The following TFAP2B variants were observed in gnomAD, a reference collection of about 807,000 sequenced individuals.
The protein encoded by TFAP2B is transcription factor AP-2-beta.
TFAP2B carries 9 observed loss-of-function variants against 44.3 expected under a neutral mutation model. The observed-to-expected ratio is 0.20, with a 90% CI of 0.12 to 0.35. The LOEUF (loss-of-function observed/expected upper bound fraction) is 0.35. Among genes scored for constraint, TFAP2B ranks in the 10% least tolerant of loss-of-function variants. The pLI, the probability that TFAP2B is intolerant of heterozygous loss-of-function variation, is 1.00. For missense variants in TFAP2B, 509 were observed against 600.0 expected, an observed-to-expected ratio of 0.85 and a Z score of 1.59; for synonymous variants, 270 against 263.8, an observed-to-expected ratio of 1.02 and a Z score of -0.23.
At chr6:50,826,588 T>A (rs72890683) in intron 2 of TFAP2B, among the ~76,000 whole-genome samples, 1 of 149,780 alleles carries the variant, frequency 6.7e-6, no homozygotes, top group Non-Finnish European at 1.5e-5. Flanking sequence ...CGCGCGCGCG[T>A]GTGTGTGTGT....
intron 2 of TFAP2B, among the ~76,000 whole-genome samples, chr6:50,825,467 T>C (rs1025050489): frequency 2.6e-5 from 4 of 152,142 alleles, no homozygotes; most frequent in Admixed American, 2.6e-4. Flanking sequence ...GCCAAGTGAC[T>C]CTAGCGAAGG....
At chr6:50,842,958 CA>C in intron 6 of TFAP2B, 133 bp from the exon 7 acceptor site, 1 of 1,242,016 alleles carries the variant, frequency 8.1e-7, no homozygotes, top group Non-Finnish European at 1.2e-6. Flanking sequence ...GGAAAGGAAA[CA>C]GAGCGGAATC....
At chr6:50,839,060 C>A (rs1446966945) in intron 5 of TFAP2B, among the ~76,000 whole-genome samples, 1 of 152,208 alleles carries the variant, frequency 6.6e-6, no homozygotes, top group African/African-American at 2.4e-5. Flanking sequence ...CCTGAACACC[C>A]TCCAGAGGCA....
At position 50,823,871 on chromosome 6, in the gene TFAP2B, C is replaced by CACAA. The variant is rs368226832; in HGVS notation, c.540+28_540+31dup. 1.3e-3 allele frequency: 1,970 copies of CACAA among 1,538,398 alleles called. 11 individuals are homozygous for CACAA. Among genetic ancestry groups the CACAA allele is most frequent in the African/African-American group, 5.5e-3 (395 of 72,392 alleles). On this transcript the variant is annotated splice_region_variant and intron_variant, in intron 2 of 6. Coordinates refer to ENST00000393655, the MANE Select transcript of TFAP2B (RefSeq NM_003221.4). ...CCGGAATGGAAGACGTCCAGGTAAC[C>CACAA]ACAAACAAACAAACAAACAAACAAA...
chr6:50,822,531 C>T (rs1026496900), intron 1 of TFAP2B, among the ~76,000 whole-genome samples: 14 of 152,140 alleles, frequency 9.2e-5, no homozygotes, highest in African/African-American at 3.4e-4. Context: ...ATATACACAC[C>T]TCCCCCTTCT....
intron 3 of TFAP2B, chr6:50,830,188 TC>T (rs1189551123): frequency 2.0e-6 from 1 of 512,362 alleles, no homozygotes; most frequent in African/African-American, 2.1e-5. Context: ...TCCTCCCTTT[TC>T]ATGGAAAGCT....
Position 50,837,847 on chromosome 6 carries a change from A to G in TFAP2B, c.822-128A>G, listed in dbSNP as rs535182789. On this transcript the variant is annotated intron_variant, in intron 4 of 6. Coordinates refer to ENST00000393655, the MANE Select transcript of TFAP2B (RefSeq NM_003221.4). ...AACTATCAGCAAATAACCAAAAGGAAGGGGGAAAAATGTGCTAACCTCAAG... is the reference window on the plus strand; with the variant it reads ...AACTATCAGCAAATAACCAAAAGGAGGGGGGAAAAATGTGCTAACCTCAAG... 6.3e-4 allele frequency: 506 copies of G among 805,246 alleles called. 1 individual carries two copies. Among genetic ancestry groups the G allele is most frequent in the Non-Finnish European group, 1.0e-3 (455 of 454,940 alleles). 49.9% of individuals were successfully genotyped at this position (805,246 alleles called of 1,614,324 possible).
chr6:50,823,069 C>T (rs560841508), intron 1 of TFAP2B, among the ~76,000 whole-genome samples: 6 of 152,326 alleles, frequency 3.9e-5, no homozygotes, highest in Admixed American at 2.6e-4. Context: ...GAATCTCCCT[C>T]CATACACACT....
At chr6:50,833,315 G>C (rs112022417) in intron 3 of TFAP2B, among the ~76,000 whole-genome samples, 1 of 152,184 alleles carries the variant, frequency 6.6e-6, no homozygotes. Context: ...AAAGTGGAAG[G>C]GAAAGTAGAT....
In TFAP2B at chr6:50,847,524, A is replaced by T. The variant is rs1282218730; in HGVS notation, c.*4132A>T. On this transcript the variant is annotated 3_prime_UTR_variant, in exon 7 of 7. Coordinates refer to ENST00000393655, the MANE Select transcript of TFAP2B (RefSeq NM_003221.4). ...TCCTATCTGAATTTTTCTGTTCTTT[A>T]TAAACAAGCTGTTATGGTAATGGGT... 1 of 152,636 alleles carries T rather than the reference A, an allele frequency of 6.6e-6. No homozygotes were observed. Among genetic ancestry groups the T allele is most frequent in the Non-Finnish European group, 1.5e-5 (1 of 68,030 alleles). 9.5% of individuals were successfully genotyped at this position (152,636 alleles called of 1,614,324 possible).
In TFAP2B at chr6:50,845,826, T is replaced by C. The variant is rs1463491884; in HGVS notation, c.*2434T>C. 6.5e-6 allele frequency: 1 copy of C among 152,728 alleles called. No homozygotes were observed. Among genetic ancestry groups the C allele is most frequent in the Non-Finnish European group, 1.5e-5 (1 of 68,106 alleles). The allele number at this position is 152,728 out of a possible 1,614,324, so 9.5% of individuals were successfully genotyped here. On this transcript the variant is annotated 3_prime_UTR_variant, in exon 7 of 7. Coordinates refer to ENST00000393655, the MANE Select transcript of TFAP2B (RefSeq NM_003221.4). The stretch of plus-strand genomic sequence containing the variant: ...GTGTTGAGGACATAGAATCAGCCGC[T>C]GGAGGGGCTGCCGACTGCGCGGGCC...
chr6:50,823,337 C>T (rs1027025302), intron 1 of TFAP2B, 70 bp from the exon 2 acceptor site: 3 of 1,340,040 alleles, frequency 2.2e-6, no homozygotes, highest in Non-Finnish European at 3.1e-6. Flanking sequence ...CTCTCTGTCT[C>T]TCTCTGCCTC....
chr6:50,840,403 C>A, intron 6 of TFAP2B, 106 bp downstream of exon 6: 1 of 1,432,210 alleles, frequency 7.0e-7, no homozygotes, highest in Non-Finnish European at 9.7e-7. Context: ...AGAGGGTTGT[C>A]TAGAAGTAGC....
intron 3 of TFAP2B, among the ~76,000 whole-genome samples, chr6:50,835,233 C>T (rs1284594723): frequency 1.3e-5 from 2 of 152,228 alleles, no homozygotes; most frequent in East Asian, 1.9e-4. Context: ...AAGACCGCCG[C>T]TCATATGAAT....
At chr6:50,841,015 G>T (rs998723144) in intron 6 of TFAP2B, among the ~76,000 whole-genome samples, 1 of 152,360 alleles carries the variant, frequency 6.6e-6, no homozygotes, top group East Asian at 1.9e-4. Flanking sequence ...GGAGGACGCG[G>T]TTTGTCCCGT....
At chr6:50,830,118 G>A (rs1243036566) in intron 3 of TFAP2B, among the ~76,000 whole-genome samples, 1 of 152,112 alleles carries the variant, frequency 6.6e-6, no homozygotes, top group Non-Finnish European at 1.5e-5. Context: ...ATTGCTGGTT[G>A]ATTAGGGTGG....
At chr6:50,834,106 A>G (rs1218755530) in intron 3 of TFAP2B, among the ~76,000 whole-genome samples, 30 of 152,236 alleles carry the variant, frequency 2.0e-4, no homozygotes, top group Admixed American at 2.0e-3. Context: ...TATGGAAATC[A>G]GCACTGTTGT....
intron 5 of TFAP2B, 61 bp downstream of exon 5, chr6:50,838,154 A>C: frequency 8.4e-7 from 1 of 1,194,082 alleles, no homozygotes; most frequent in Non-Finnish European, 1.3e-6. Flanking sequence ...CTGGAGGCTG[A>C]CATTTTACAC....
chr6:50,825,086 T>C (rs192412673), intron 2 of TFAP2B, among the ~76,000 whole-genome samples: 10 of 152,332 alleles, frequency 6.6e-5, no homozygotes, highest in African/African-American at 2.4e-4. Flanking sequence ...CATCAAATGC[T>C]GTCTGTGTGT....
Sources: allele counts gnomAD v4.1 joint callset (sites outside exome capture counted in the v4.1 genomes callset), GRCh38; gene constraint gnomAD v4.1.1; transcripts MANE v1.5; gene names NCBI Gene and HGNC (gene_info 2026-07-23, HGNC 2026-07-21).